LPA: variants seen among roughly 807,000 people sequenced by gnomAD.
The protein encoded by LPA is apolipoprotein(a).
LPA carries 199 observed loss-of-function variants against 197.9 expected under a neutral mutation model. That is an observed-to-expected ratio of 1.01 (90% CI 0.90 to 1.13). LPA has a LOEUF of 1.13. LPA is among the 50% of genes most tolerant of loss of function. The pLI is 0.00. For synonymous variants in LPA, 715 were observed against 639.5 expected (o/e 1.12, Z -1.78); for missense variants, 1,853 against 1,785.8 (o/e 1.04, Z -0.68).
chr6:160,565,416 T>G (rs564609564), intron 28 of LPA, among the ~76,000 whole-genome samples: 3 of 152,336 alleles, frequency 2.0e-5, no homozygotes, highest in Admixed American at 2.0e-4. Context: ...AAACAGGGAC[T>G]GGAGTGGACC....
At position 160,557,430 on chromosome 6, in the gene LPA, A is replaced by G; in HGVS notation, c.4773T>C (p.Thr1591=). The G allele has an allele frequency of 1.9e-6, 3 of 1,614,164 alleles. No homozygotes were observed. The highest frequency in any genetic ancestry group is 1.3e-5 in the African/African-American group (1 of 75,040). The change falls in exon 29 of 39, where the codon ACT becomes ACC. Residue 1591 remains threonine (T), a synonymous_variant. Transcript: ENST00000316300. ...CCTCCATGCTTGGAACTGGAACAAC[A>G]GTGGGAGTCTCTAGGACACCTGATT... ...ETESGVLETP[T]VVPVPSMEAH...
intron 24 of LPA, among the ~76,000 whole-genome samples, chr6:160,588,207 C>T (rs1018964581): frequency 6.6e-6 from 1 of 151,900 alleles, no homozygotes; most frequent in East Asian, 1.9e-4. Flanking sequence ...ATAGGAATGC[C>T]ATATAACTGA....
chr6:160,546,379 G>A (rs1280645247), intron 32 of LPA, among the ~76,000 whole-genome samples: 2 of 152,194 alleles, frequency 1.3e-5, no homozygotes, highest in Non-Finnish European at 1.5e-5. Flanking sequence ...AGGGCATAGA[G>A]GCTCTGAGCC....
At chr6:160,654,829 T>C (rs1270877245) in intron 1 of LPA, among the ~76,000 whole-genome samples, 1 of 152,204 alleles carries the variant, frequency 6.6e-6, no homozygotes, top group Non-Finnish European at 1.5e-5. Context: ...AAAGTGGATA[T>C]AGTGCTGCAG....
At chr6:160,649,917 A>G (rs1391568999) in intron 2 of LPA, among the ~76,000 whole-genome samples, 1 of 152,230 alleles carries the variant, frequency 6.6e-6, no homozygotes, top group Non-Finnish European at 1.5e-5. Context: ...AGAAAAAGAT[A>G]GATTCGCCTT....
intron 28 of LPA, among the ~76,000 whole-genome samples, chr6:160,574,228 C>T (rs1208564645): frequency 1.3e-5 from 2 of 152,094 alleles, no homozygotes; most frequent in Non-Finnish European, 2.9e-5. Flanking sequence ...AACTGAAGGG[C>T]TGGTCTTACT....
In LPA at chr6:160,531,546, G is replaced by A; in HGVS notation, c.*183C>T. The A allele has an allele frequency of 1.4e-6, 1 of 691,476 alleles. No individual in the cohort carries two copies. Among genetic ancestry groups the A allele is most frequent in the Non-Finnish European group, 2.5e-6 (1 of 393,136 alleles). 42.8% of individuals were successfully genotyped at this position (691,476 alleles called of 1,614,324 possible). On this transcript the variant is annotated 3_prime_UTR_variant, in exon 39 of 39. Transcript: ENST00000316300. The stretch of plus-strand genomic sequence containing the variant: ...GTCATAGCTATGACACCTTAATACA[G>A]AATTTGTCAGTCAGACCTTAAAAGC...
intron 32 of LPA, among the ~76,000 whole-genome samples, chr6:160,546,701 G>A (rs532251906): frequency 6.6e-6 from 1 of 152,278 alleles, no homozygotes; most frequent in East Asian, 1.9e-4. Context: ...GAGTTACATT[G>A]TAGGACACCC....
At chr6:160,566,926 T>C (rs1583583445) in intron 28 of LPA, among the ~76,000 whole-genome samples, 1 of 152,168 alleles carries the variant, frequency 6.6e-6, no homozygotes, top group Admixed American at 6.5e-5. Flanking sequence ...AAGGGACCAA[T>C]TTAACAAGAA....
At chr6:160,659,102 T>C (rs1780179435) in intron 1 of LPA, among the ~76,000 whole-genome samples, 1 of 152,096 alleles carries the variant, frequency 6.6e-6, no homozygotes, top group Admixed American at 6.6e-5. Flanking sequence ...GAGTCCGATG[T>C]TCAAGAGCAG....
chr6:160,652,542 T>C (rs1022701192), intron 1 of LPA, among the ~76,000 whole-genome samples: 1 of 152,142 alleles, frequency 6.6e-6, no homozygotes, highest in Non-Finnish European at 1.5e-5. Context: ...TAAGAAATGC[T>C]AAAGGTTGTT....
chr6:160,568,398 T>C (rs1264548176), intron 28 of LPA, among the ~76,000 whole-genome samples: 1 of 152,220 alleles, frequency 6.6e-6, no homozygotes, highest in Non-Finnish European at 1.5e-5. Context: ...CACATGATTA[T>C]CTCAATAGAT....
chr6:160,631,950 C>A, intron 8 of LPA, among the ~76,000 whole-genome samples: 1 of 150,344 alleles, frequency 6.7e-6, no homozygotes, highest in Admixed American at 6.6e-5. Context: ...TGTGTTAGAA[C>A]TTGTGAGTTT....
At chr6:160,607,179 T>C (rs753119144) in intron 16 of LPA, among the ~76,000 whole-genome samples, 3 of 152,158 alleles carry the variant, frequency 2.0e-5, no homozygotes, top group Admixed American at 1.3e-4. Context: ...ACTCTCTATG[T>C]ACTCAAAACC....
chr6:160,580,617 T>C (rs1425373921), intron 26 of LPA, among the ~76,000 whole-genome samples: 2 of 152,212 alleles, frequency 1.3e-5, no homozygotes, highest in Non-Finnish European at 2.9e-5. Context: ...CACTGGATGT[T>C]CAGTGTCATC....
In LPA at chr6:160,586,573, A is replaced by C; in HGVS notation, c.4005T>G (p.Tyr1335Ter). ...NPDAEIRPWC[Y>*]TMDPSVRWEY... is the part of the protein sequence containing the mutation. ...CCCATCTGACACTGGGATCCATGGT[A>C]TAACACCAAGGGCGAATCTCAGCAT... Residue 1335 changes from tyrosine to a stop codon, truncating the protein, a stop_gained, in exon 25 of 39, where the codon TAT becomes TAG. Transcript: ENST00000316300. LOFTEE classifies it high-confidence loss of function. 1 of 1,613,808 alleles carries C rather than the reference A, an allele frequency of 6.2e-7. No individual in the cohort carries two copies. Among genetic ancestry groups the C allele is most frequent in the Non-Finnish European group, 8.5e-7 (1 of 1,179,808 alleles).
At chr6:160,571,407 T>C (rs1778559393) in intron 28 of LPA, among the ~76,000 whole-genome samples, 1 of 152,162 alleles carries the variant, frequency 6.6e-6, no homozygotes, top group African/African-American at 2.4e-5. Context: ...TAGTGCTGTG[T>C]TGGGGGATCT....
At chr6:160,546,100 A>G (rs1290241892) in intron 32 of LPA, among the ~76,000 whole-genome samples, 1 of 152,122 alleles carries the variant, frequency 6.6e-6, no homozygotes, top group Non-Finnish European at 1.5e-5. Flanking sequence ...AGGGAGCTGC[A>G]ATGAAGCAAC....
Position 160,595,353 on chromosome 6 carries a change from C to T in LPA, c.3469+1G>A, listed in dbSNP as rs1441650836. 2.5e-6 allele frequency: 4 copies of T among 1,611,942 alleles called. No individual in the cohort carries two copies. In the Admixed American group the frequency reaches 5.0e-5, roughly 20 times the overall value. ...TGGTTGTCTGGCCATAGACTTCCTA[C>T]CTTCTTCAGAAGAAGCCTCTGTGCT... On this transcript the variant is annotated splice_donor_variant, in intron 21 of 38. Transcript: ENST00000316300. LOFTEE classifies it high-confidence loss of function.
Sources: allele counts gnomAD v4.1 joint callset (sites outside exome capture counted in the v4.1 genomes callset), GRCh38; gene constraint gnomAD v4.1.1; transcripts MANE v1.5; gene names NCBI Gene and HGNC (gene_info 2026-07-23, HGNC 2026-07-21).